Variants in RBM25 observed in about 807,000 individuals in gnomAD.
RBM25 encodes RNA-binding protein 25.
Under a neutral mutation model 120.7 loss-of-function variants are expected in RBM25, and 19 were observed. The ratio of observed to expected loss-of-function variants is 0.16; its 90% CI spans 0.11 to 0.23. The LOEUF (loss-of-function observed/expected upper bound fraction) is 0.23, where lower values mean the gene tolerates loss of function less well. Among genes scored for constraint, RBM25 ranks in the 10% least tolerant of loss-of-function variants. RBM25 has a pLI of 1.00. For synonymous variants in RBM25, 390 were observed against 326.7 expected (o/e 1.19, Z -2.09); for missense variants, 605 against 1,041.5 (o/e 0.58, Z 5.77).
rs763262585 is a variant in RBM25 at position 73,106,087 on chromosome 14, T to A, written c.1377+6T>A. 1.4e-5 allele frequency: 22 copies of A among 1,602,010 alleles called. No individual in the cohort carries two copies. Among genetic ancestry groups the A allele is most frequent in the Non-Finnish European group, 1.8e-5 (21 of 1,177,204 alleles). ...AAGAAGCTGCTTATCAAGAGGTAAGTTGAGAAAATGCCTTTATTCTTAAAT... is the reference window on the plus strand; with the variant it reads ...AAGAAGCTGCTTATCAAGAGGTAAGATGAGAAAATGCCTTTATTCTTAAAT... On this transcript the variant is annotated splice_donor_region_variant and intron_variant, in intron 11 of 18. Transcript: ENST00000261973.
intron 6 of RBM25, among the ~76,000 whole-genome samples, chr14:73,096,699 A>T (rs1045920704): frequency 6.6e-6 from 1 of 152,238 alleles, no homozygotes; most frequent in African/African-American, 2.4e-5. Flanking sequence ...TTTTTTAGCT[A>T]TTAAGAAAAA....
intron 6 of RBM25, among the ~76,000 whole-genome samples, chr14:73,091,554 C>T (rs892270109): frequency 6.6e-6 from 1 of 152,052 alleles, no homozygotes; most frequent in Non-Finnish European, 1.5e-5. Context: ...AGTAACCACA[C>T]TTTAGATCTG....
At chr14:73,081,607 G>T (rs930711942) in intron 4 of RBM25, among the ~76,000 whole-genome samples, 1 of 152,122 alleles carries the variant, frequency 6.6e-6, no homozygotes, top group African/African-American at 2.4e-5. Context: ...GTTATATTGG[G>T]ATGATACATC....
intron 1 of RBM25, chr14:73,069,779 A>AAAAAAAAAGG (rs1895234317): frequency 8.0e-6 from 1 of 125,248 alleles, no homozygotes; most frequent in African/African-American, 2.9e-5. Context: ...AAAAAAAAAA[A>AAAAAAAAAGG]GTGTGTTGCT....
chr14:73,119,516 C>T (rs548543586), intron 18 of RBM25, among the ~76,000 whole-genome samples, 197 bp from the exon 19 acceptor site: 8 of 152,318 alleles, frequency 5.3e-5, no homozygotes, highest in Non-Finnish European at 8.8e-5. Context: ...CCGCTCGCTT[C>T]GGCCTCCCAA....
chr14:73,059,332 C>T (rs945202934), intron 1 of RBM25: 1 of 152,214 alleles, frequency 6.6e-6, no homozygotes, highest in Admixed American at 6.5e-5. Context: ...CATCCTGCCT[C>T]TTTTGCGCAT....
chr14:73,104,152 TA>T (rs765931774), intron 10 of RBM25, among the ~76,000 whole-genome samples: 1 of 152,094 alleles, frequency 6.6e-6, no homozygotes, highest in East Asian at 1.9e-4. Flanking sequence ...TGGGCATTTT[TA>T]AAGTTGCTCT....
intron 1 of RBM25, among the ~76,000 whole-genome samples, chr14:73,064,437 C>G (rs1307024422): frequency 1.3e-5 from 2 of 151,378 alleles, no homozygotes; most frequent in African/African-American, 4.8e-5. Context: ...CTCTGTCACC[C>G]AGGTTGGAGT....
intron 6 of RBM25, among the ~76,000 whole-genome samples, chr14:73,092,806 G>C (rs1594918060): frequency 1.3e-5 from 2 of 152,042 alleles, no homozygotes; most frequent in Non-Finnish European, 1.5e-5. Context: ...GGCTCAAGCA[G>C]TTCTCCTGCT....
chr14:73,099,509 T>C, intron 8 of RBM25, 76 bp downstream of exon 8: 1 of 1,585,720 alleles, frequency 6.3e-7, no homozygotes, highest in South Asian at 1.2e-5. Context: ...GTCTATCTGA[T>C]TTTTCACTAT....
chr14:73,096,911 T>G lies in RBM25; in HGVS notation c.544-4T>G, dbSNP rs1402381952. ...TTTCCCCTGAATTTGCTGTTTTGTT[T>G]AAGAATGCAAGGCCAGAAACTGTCA... is the stretch of plus-strand genomic sequence containing the variant. On this transcript the variant is annotated splice_region_variant and splice_polypyrimidine_tract_variant and intron_variant, in intron 6 of 18. Transcript: ENST00000261973. 1 of 1,608,006 alleles carries G rather than the reference T, an allele frequency of 6.2e-7. No individual in the cohort carries two copies. Among genetic ancestry groups the G allele is most frequent in the South Asian group, 1.1e-5 (1 of 89,292 alleles).
At chr14:73,082,927 A>G (rs2140436663) in intron 4 of RBM25, among the ~76,000 whole-genome samples, 1 of 151,854 alleles carries the variant, frequency 6.6e-6, no homozygotes, top group Non-Finnish European at 1.5e-5. Flanking sequence ...AAAACAAAAA[A>G]CAATTATCCA....
chr14:73,095,421 G>C (rs896833766), intron 6 of RBM25, among the ~76,000 whole-genome samples: 1 of 151,598 alleles, frequency 6.6e-6, no homozygotes, highest in Non-Finnish European at 1.5e-5. Context: ...TGGCTAACAC[G>C]GTGAAACCCC....
At chr14:73,090,346 C>T (rs1270981524) in intron 6 of RBM25, among the ~76,000 whole-genome samples, 1 of 152,136 alleles carries the variant, frequency 6.6e-6, no homozygotes, top group Non-Finnish European at 1.5e-5. Context: ...CCACCGTGCC[C>T]GGCCATAAAG....
intron 18 of RBM25, among the ~76,000 whole-genome samples, chr14:73,116,590 G>C (rs57697565): frequency 0.038 from 5,822 of 152,212 alleles, 355 homozygotes; most frequent in African/African-American, 0.13. Flanking sequence ...TTCAGTCCTT[G>C]GGGCTGAATT....
intron 17 of RBM25, among the ~76,000 whole-genome samples, chr14:73,113,568 G>A (rs921773056): frequency 6.6e-6 from 1 of 151,908 alleles, no homozygotes; most frequent in Non-Finnish European, 1.5e-5. Flanking sequence ...GCAGGCACCT[G>A]TAATCCCAGC....
At chr14:73,076,639 A>G (rs1052319800) in intron 3 of RBM25, among the ~76,000 whole-genome samples, 7 of 152,152 alleles carry the variant, frequency 4.6e-5, no homozygotes, top group Admixed American at 1.3e-4. Flanking sequence ...TGTTATTACA[A>G]ATTTAGGACT....
chr14:73,068,108 T>A (rs1264218223), intron 1 of RBM25: 1 of 713,432 alleles, frequency 1.4e-6, no homozygotes. Flanking sequence ...CAACTTTACC[T>A]CGTTCACAGA....
chr14:73,076,835 A>G lies in RBM25; in HGVS notation c.156+467A>G, dbSNP rs138257876. Among the ~76,000 whole-genome samples, 16 of 152,322 alleles carry G rather than the reference A, an allele frequency of 1.1e-4. 1 individual carries two copies. The East Asian group carries it at 2.9e-3, about 28-fold the overall frequency. On this transcript the variant is annotated intron_variant, in intron 3 of 18. Coordinates refer to ENST00000261973, the MANE Select transcript of RBM25 (RefSeq NM_021239.3). ...TATATGGCCTAAGGCATAAATTTTA[A>G]ATGTTCAAGACATAGGCCAGGATCA...
Sources: gnomAD v4.1 joint callset for allele counts (sites outside exome capture counted in the v4.1 genomes callset) on GRCh38, gnomAD v4.1.1 for gene constraint, MANE v1.5 for transcripts, NCBI Gene and HGNC (gene_info 2026-07-23, HGNC 2026-07-21) for gene names.